The following CCDC57 variants were observed in gnomAD, a reference collection of about 807,000 sequenced individuals.
CCDC57 encodes the protein coiled-coil domain-containing protein 57.
Under a neutral mutation model 118.9 loss-of-function variants are expected in CCDC57, and 118 were observed. That is an observed-to-expected ratio of 0.99 (90% CI 0.86 to 1.16). The LOEUF is 1.16. CCDC57 is among the 50% of genes most tolerant of loss of function. The pLI, the probability that CCDC57 is intolerant of heterozygous loss-of-function variation, is 0.00. For missense variants in CCDC57, 1,300 were observed against 1,320.7 expected, an observed-to-expected ratio of 0.98 and a Z score of 0.24; for synonymous variants, 527 against 532.9, an observed-to-expected ratio of 0.99 and a Z score of 0.15.
chr17:82,208,322 TCTTGGCTCA>T (rs1466799176), intron 1 of CCDC57, among the ~76,000 whole-genome samples: 2 of 152,198 alleles, frequency 1.3e-5, no homozygotes, highest in African/African-American at 4.8e-5. Flanking sequence ...AGTGGCGCGA[TCTTGGCTCA>T]CTGCAACCTC....
intron 8 of CCDC57, among the ~76,000 whole-genome samples, chr17:82,186,344 G>C (rs116363120): frequency 1.3e-5 from 2 of 152,128 alleles, no homozygotes; most frequent in East Asian, 1.9e-4. Context: ...AGACTGCAAC[G>C]GGGGGCCAAG....
rs751693448 is a variant in CCDC57, at chr17:82,188,286, C to A, written c.985G>T (p.Ala329Ser). ...CTCCACTCTGCCCTGCGGAGCTGCG[C>A]CTCGAGGGTCTCGCAGTGGGCCTGC... Residue 329 changes from alanine to serine, a missense_variant, in exon 8 of 20, where the codon GCG becomes TCG. Physicochemically the swap from Ala to Ser is moderately conservative, Grantham distance 99. Transcript: ENST00000665763. The A allele has an allele frequency of 2.5e-6, 4 of 1,587,332 alleles. No individual in the cohort carries two copies. In the East Asian group the frequency reaches 6.9e-5, roughly 27 times the overall value.
Position 82,127,831 on chromosome 17 carries a change from A to G in CCDC57, c.2760T>C (p.Ala920=), listed in dbSNP as rs530754735. 4.3e-6 allele frequency: 7 copies of G among 1,610,496 alleles called. No individual in the cohort carries two copies. The East Asian group carries it at 1.6e-4, about 36-fold the overall frequency. Residue 920 remains alanine (A), a synonymous_variant, in exon 19 of 20, where the codon GCT becomes GCC. Transcript: ENST00000665763. The stretch of plus-strand genomic sequence containing the variant: ...GACCATGCTCCTCAGGGTGCTGGGG[A>G]GCCTGGGGTGGCTTTGGGGACCTGT...
chr17:82,194,665 C>T (rs2048091641), intron 5 of CCDC57, among the ~76,000 whole-genome samples: 1 of 152,142 alleles, frequency 6.6e-6, no homozygotes, highest in South Asian at 2.1e-4. Context: ...TATTAGGGTG[C>T]CCCATACATG....
In CCDC57 at chr17:82,192,455, C is replaced by G. The variant is rs2047786886; in HGVS notation, c.851+1301G>C. Among the ~76,000 whole-genome samples, 1 of 152,192 alleles carries G rather than the reference C, an allele frequency of 6.6e-6. No individual in the cohort carries two copies. On this transcript the variant is annotated intron_variant, in intron 7 of 19. Transcript: ENST00000665763. The surrounding 1 kb of genome is among the most constrained non-coding windows in gnomAD (Gnocchi z 4.0). ...TTTGACCTCATGGGGCTAGATGCCC[C>G]TAACCCCCTCACTGTTTAAGCATCA...
rs559599089 is a variant in CCDC57 at position 82,178,635 on chromosome 17, T to A, written c.1375-30A>T. The A allele has an allele frequency of 9.8e-5, 157 of 1,605,602 alleles. No homozygotes were observed. The Middle Eastern group carries it at 2.6e-3, about 27-fold the overall frequency. On this transcript the variant is annotated intron_variant, in intron 10 of 19. Coordinates refer to ENST00000665763, the Ensembl canonical transcript of CCDC57. The stretch of plus-strand genomic sequence containing the variant: ...GAAAAACGCTGGGACTCAGTCCCTG[T>A]GTGGATGACCGGGCAGCTCCCATGC...
chr17:82,120,468 T>C (rs1372665190), intron 19 of CCDC57, among the ~76,000 whole-genome samples: 2 of 152,248 alleles, frequency 1.3e-5, no homozygotes, highest in Admixed American at 6.5e-5. Flanking sequence ...GTCGGTGCAC[T>C]GGAGGGCGCA....
intron 15 of CCDC57, chr17:82,156,299 A>G (rs56318458): frequency 5.1e-4 from 78 of 152,196 alleles, no homozygotes; most frequent in African/African-American, 1.6e-3. Flanking sequence ...TCAAAAAAAA[A>G]AAAGAAAGAA....
intron 16 of CCDC57, 170 bp from the exon 16 acceptor site, chr17:82,134,364 G>C: frequency 1.9e-6 from 1 of 516,100 alleles, no homozygotes; most frequent in Non-Finnish European, 3.0e-6. Flanking sequence ...GTGACACACA[G>C]CATTTCGGTA....
At chr17:82,211,920 C>G (rs184943524) in intron 1 of CCDC57, among the ~76,000 whole-genome samples, 2 of 152,322 alleles carry the variant, frequency 1.3e-5, no homozygotes, top group Admixed American at 1.3e-4. Context: ...GCCCCTGTAC[C>G]TGGAACTGTT....
At position 82,172,814 on chromosome 17, in the gene CCDC57, G is replaced by C. The variant is rs1012287160; in HGVS notation, c.1553C>G (p.Ser518Cys). Reference sequence around the variant, plus strand: ...CTCTCGGAGCCGCTGGATCTCACTGGATGGAAAGTCTTTACTTATTTCTTC... The same window carrying C: ...CTCTCGGAGCCGCTGGATCTCACTGCATGGAAAGTCTTTACTTATTTCTTC... The change falls in exon 12 of 20, where the codon TCC becomes TGC. Residue 518 changes from serine to cysteine, a missense_variant. By Grantham distance (112) the Ser-to-Cys change is moderately radical (BLOSUM62 -1). Transcript: ENST00000665763. The surrounding 1 kb of genome is among the most constrained non-coding windows in gnomAD (Gnocchi z 5.2). 13 of 1,613,452 alleles carry C rather than the reference G, an allele frequency of 8.1e-6. No individual in the cohort carries two copies. Among genetic ancestry groups the C allele is most frequent in the Non-Finnish European group, 9.3e-6 (11 of 1,179,752 alleles).
chr17:82,146,891 GTGCACA>G (rs1568252404), intron 16 of CCDC57, among the ~76,000 whole-genome samples: 2 of 152,142 alleles, frequency 1.3e-5, no homozygotes, highest in African/African-American at 4.8e-5. Flanking sequence ...ACAAACGTGT[GTGCACA>G]CACACAGTCT....
At chr17:82,207,248 G>A (rs1457925639) in intron 2 of CCDC57, among the ~76,000 whole-genome samples, 4 of 151,982 alleles carry the variant, frequency 2.6e-5, no homozygotes, top group Non-Finnish European at 5.9e-5. Flanking sequence ...TGGGAGGATC[G>A]CTTGAGCTTA....
intron 19 of CCDC57, among the ~76,000 whole-genome samples, chr17:82,110,799 C>T (rs1219288537): frequency 6.6e-6 from 1 of 151,886 alleles, no homozygotes; most frequent in Admixed American, 6.6e-5. Flanking sequence ...CCGAGGCGGG[C>T]GGATCACCTG....
chr17:82,188,967 T>C (rs1171236707), intron 7 of CCDC57, among the ~76,000 whole-genome samples: 1 of 152,176 alleles, frequency 6.6e-6, no homozygotes, highest in African/African-American at 2.4e-5. Context: ...GATTTTACTT[T>C]AAAAATATTA....
chr17:82,129,109 G>C (rs2037919373), intron 17 of CCDC57, among the ~76,000 whole-genome samples: 1 of 152,094 alleles, frequency 6.6e-6, no homozygotes, highest in African/African-American at 2.4e-5. Flanking sequence ...AGTAGAGACA[G>C]GGTTTCACCA....
intron 1 of CCDC57, among the ~76,000 whole-genome samples, chr17:82,210,759 C>G (rs887425008): frequency 1.3e-5 from 2 of 150,630 alleles, no homozygotes; most frequent in African/African-American, 4.9e-5. Flanking sequence ...CTTTGGGAGG[C>G]CAAGGTGGTG....
At chr17:82,190,679 G>A (rs989900392) in intron 7 of CCDC57, among the ~76,000 whole-genome samples, 3 of 133,594 alleles carry the variant, frequency 2.2e-5, no homozygotes, top group Admixed American at 8.5e-5. Context: ...CTGGGCAACA[G>A]AGCGAGACTC....
chr17:82,188,830 A>G (rs1450207005), intron 7 of CCDC57, among the ~76,000 whole-genome samples: 1 of 152,230 alleles, frequency 6.6e-6, no homozygotes, highest in African/African-American at 2.4e-5. Flanking sequence ...CACCCCACCT[A>G]TTGATTTTCC....
Sources: allele counts gnomAD v4.1 joint callset (sites outside exome capture counted in the v4.1 genomes callset), GRCh38; gene constraint gnomAD v4.1.1; non-coding constraint Gnocchi (gnomAD v3.1); transcripts MANE v1.5; gene names NCBI Gene and HGNC (gene_info 2026-07-23, HGNC 2026-07-21).